ESPNL: variants seen among roughly 807,000 people sequenced by gnomAD.
ESPNL encodes the protein espin-like protein.
Under a neutral mutation model 46.8 loss-of-function variants are expected in ESPNL, and 49 were observed. The observed-to-expected ratio is 1.05, with a 90% CI of 0.83 to 1.33. The LOEUF (loss-of-function observed/expected upper bound fraction) is 1.33. ESPNL is among the 40% of genes most tolerant of loss of function. The pLI, the probability that ESPNL is intolerant of heterozygous loss-of-function variation, is 0.00. For missense variants in ESPNL, 1,540 were observed against 1,436.6 expected (o/e 1.07, Z -1.16); for synonymous variants, 664 against 662.1 (o/e 1.00, Z -0.04).
At position 238,130,531 on chromosome 2, in the gene ESPNL, T is replaced by A. The variant is rs1559269653; in HGVS notation, c.1817T>A (p.Leu606Gln). 2 of 1,594,176 alleles carry A rather than the reference T, an allele frequency of 1.3e-6. No homozygotes were observed. ...CGCCTGGTACGCAGCCTGTCCCTGC[T>A]GCTGAAGGGCGTGCATGGGCTAGTA... ...ISRLVRSLSL[L>Q]LKGVHGLVQG... The change falls in exon 9 of 9, where the codon CTG (leucine) becomes CAG (glutamine). Residue 606 changes from leucine to glutamine, a missense_variant. Coordinates refer to ENST00000343063, the MANE Select transcript of ESPNL (RefSeq NM_194312.4).
In ESPNL at chr2:238,125,342, G is replaced by T. The variant is rs1181680046; in HGVS notation, c.1060G>T (p.Glu354Ter). ...PPLLATRRSL[E>*]DGRRGGPGPG... ...ACTGTTGGCCACGAGGCGCTCCCTG[G>T]AGGATGGAAGAAGAGGAGGCCCAGG... Residue 354 changes from glutamate to a stop codon, truncating the protein, a stop_gained, in exon 6 of 9, where the codon GAG becomes TAG. Transcript: ENST00000343063. LOFTEE classifies it high-confidence loss of function. 77 of 1,574,264 alleles carry T rather than the reference G, an allele frequency of 4.9e-5. No homozygotes were observed. Among genetic ancestry groups the T allele is most frequent in the Non-Finnish European group, 6.5e-5 (76 of 1,160,324 alleles).
chr2:238,126,362 CTGTGTGTG>C (rs762480422), intron 6 of ESPNL, among the ~76,000 whole-genome samples: 3 of 95,648 alleles, frequency 3.1e-5, no homozygotes, highest in East Asian at 8.6e-4. Context: ...GTGATTGTGT[CTGTGTGTG>C]TCTTTGTGAT....
intron 7 of ESPNL, 87 bp downstream of exon 7, chr2:238,127,821 A>G (rs1692175832): frequency 1.9e-6 from 2 of 1,031,420 alleles, no homozygotes; most frequent in African/African-American, 1.6e-5. Context: ...AGAAGCCCCC[A>G]GCACAGCCAG....
intron 3 of ESPNL, among the ~76,000 whole-genome samples, chr2:238,105,150 C>G (rs1235907231): frequency 6.6e-6 from 1 of 152,148 alleles, no homozygotes; most frequent in African/African-American, 2.4e-5. Flanking sequence ...TTGGTGGTGG[C>G]CCGGGTGCTT....
At chr2:238,115,401 A>G (rs528276108) in intron 4 of ESPNL, among the ~76,000 whole-genome samples, 2 of 152,328 alleles carry the variant, frequency 1.3e-5, no homozygotes, top group East Asian at 3.9e-4. Flanking sequence ...CCATAGATCA[A>G]TGCAGGTGTC....
intron 4 of ESPNL, among the ~76,000 whole-genome samples, chr2:238,110,028 G>A (rs1189014591): frequency 6.7e-6 from 1 of 150,056 alleles, no homozygotes; most frequent in East Asian, 2.0e-4. Flanking sequence ...ACACGTTACC[G>A]AGTGTCCCTT....
chr2:238,118,993 T>C lies in ESPNL; in HGVS notation c.987+1959T>C, dbSNP rs1286820772. ...TGGAGGAGGGTTAATGGAGGAGGAG[T>C]GGATGGAAGAGGATTGATGGAGGAG... On this transcript the variant is annotated intron_variant, in intron 5 of 8. Coordinates refer to ENST00000343063, the MANE Select transcript of ESPNL (RefSeq NM_194312.4). Among the ~76,000 whole-genome samples the C allele has an allele frequency of 4.7e-5, 4 of 85,266 alleles. No individual in the cohort carries two copies. In the East Asian group the frequency reaches 1.4e-3, roughly 31 times the overall value. The allele number at this position is 85,266 out of a possible 152,430, so 55.9% of individuals were successfully genotyped here.
intron 6 of ESPNL, 81 bp from the exon 7 acceptor site, chr2:238,127,541 C>A: frequency 6.7e-7 from 1 of 1,488,328 alleles, no homozygotes; most frequent in South Asian, 1.4e-5. Flanking sequence ...CAGCTCTGCC[C>A]CCAGGGCCGG....
In ESPNL at chr2:238,130,476, C is replaced by T; in HGVS notation, c.1762C>T (p.Pro588Ser). The stretch of plus-strand genomic sequence containing the variant: ...CTCAGAGGTGGCCCCCGGGGTGCAG[C>T]CCCTGCCCTTCTGGTGCAGCCACAT... ...EASEVAPGVQ[P>S]LPFWCSHISR... The change falls in exon 9 of 9, where the codon CCC (proline) becomes TCC (serine). Residue 588 changes from proline to serine, a missense_variant. Coordinates refer to ENST00000343063, the MANE Select transcript of ESPNL (RefSeq NM_194312.4). The T allele has an allele frequency of 6.3e-7, 1 of 1,599,354 alleles. No homozygotes were observed. Among genetic ancestry groups the T allele is most frequent in the Non-Finnish European group, 8.5e-7 (1 of 1,173,286 alleles).
At position 238,127,566 on chromosome 2, in the gene ESPNL, G is replaced by A; in HGVS notation, c.1103-56G>A. On this transcript the variant is annotated intron_variant, in intron 6 of 8. Transcript: ENST00000343063. ...CCCAGGGCCGGATCCCCGAGGCTCT[G>A]GGTCTCTGCTCCCCAGCCCTTGCCC... 6 of 1,517,706 alleles carry A rather than the reference G, an allele frequency of 4.0e-6. No homozygotes were observed. In the South Asian group the frequency reaches 7.6e-5, roughly 19 times the overall value. 94.0% of individuals were successfully genotyped at this position (1,517,706 alleles called of 1,614,324 possible).
chr2:238,127,639 G>A lies in ESPNL; in HGVS notation c.1120G>A (p.Ala374Thr). 6.2e-7 allele frequency: 1 copy of A among 1,608,094 alleles called. No individual in the cohort carries two copies. Among genetic ancestry groups the A allele is most frequent in the Non-Finnish European group, 8.5e-7 (1 of 1,177,750 alleles). The change falls in exon 7 of 9, where the codon GCC (alanine) becomes ACC (threonine). Residue 374 changes from alanine (A) to threonine (T), a missense_variant. Physicochemically the swap from Ala to Thr is moderately conservative, Grantham distance 58. Transcript: ENST00000343063. ...GNPSPMSLSPAWPGHPDQPLP... is the reference protein window; with the variant it reads ...GNPSPMSLSPTWPGHPDQPLP... Reference sequence around the variant, plus strand: ...CTTGGCAGCCATGTCCCTCAGCCCGGCCTGGCCTGGCCATCCTGACCAGCC... The same window carrying A: ...CTTGGCAGCCATGTCCCTCAGCCCGACCTGGCCTGGCCATCCTGACCAGCC...
chr2:238,108,613 C>G (rs563082455), intron 4 of ESPNL, among the ~76,000 whole-genome samples: 1 of 152,312 alleles, frequency 6.6e-6, no homozygotes, highest in South Asian at 2.1e-4. Context: ...CTGTTCACCT[C>G]CATGAAGTCT....
In ESPNL at chr2:238,129,209, G is replaced by A. The variant is rs1692220856; in HGVS notation, c.1413+305G>A. The A allele has an allele frequency of 1.2e-5, 15 of 1,300,688 alleles. 1 individual carries two copies. In the South Asian group the frequency reaches 3.2e-4, roughly 27 times the overall value. The allele number at this position is 1,300,688 out of a possible 1,614,324, so 80.6% of individuals were successfully genotyped here. ...CCTTCCTGGGCGCAGCGTCTAGCAG[G>A]GAAGACGGTGGCCCATGGGCAGGTG... is the stretch of plus-strand genomic sequence containing the variant. On this transcript the variant is annotated intron_variant, in intron 8 of 8. Coordinates refer to ENST00000343063, the MANE Select transcript of ESPNL (RefSeq NM_194312.4).
chr2:238,108,600 G>A (rs1489164267), intron 4 of ESPNL, among the ~76,000 whole-genome samples: 1 of 152,136 alleles, frequency 6.6e-6, no homozygotes, highest in Non-Finnish European at 1.5e-5. Context: ...AGCAGTGTCG[G>A]GTCTGTTCAC....
At chr2:238,119,837 T>G (rs940115019) in intron 5 of ESPNL, among the ~76,000 whole-genome samples, 1 of 151,928 alleles carries the variant, frequency 6.6e-6, no homozygotes, top group Non-Finnish European at 1.5e-5. Flanking sequence ...ATGTGTCCCC[T>G]CAGAGCATCT....
At chr2:238,115,423 G>C (rs1691795153) in intron 4 of ESPNL, among the ~76,000 whole-genome samples, 1 of 152,240 alleles carries the variant, frequency 6.6e-6, no homozygotes, top group African/African-American at 2.4e-5. Flanking sequence ...TTACTTTACA[G>C]ACAGGCCCAG....
Position 238,128,775 on chromosome 2 carries a change from C to T in ESPNL, c.1284C>T (p.Pro428=). ...GLAALQLDGL[P]SGDIDGLVPT... ...CCGCACTACAGCTGGATGGGCTGCC[C>T]TCAGGCGACATCGACGGGCTGGTGC... Residue 428 remains proline (P), a synonymous_variant, in exon 8 of 9, where the codon CCC becomes CCT. Coordinates refer to ENST00000343063, the MANE Select transcript of ESPNL (RefSeq NM_194312.4). The T allele has an allele frequency of 1.3e-6, 2 of 1,588,096 alleles. No homozygotes were observed. Among genetic ancestry groups the T allele is most frequent in the Non-Finnish European group, 1.7e-6 (2 of 1,168,238 alleles).
rs1307757245 is a variant in ESPNL at position 238,107,931 on chromosome 2, T to C, written c.813T>C (p.Gly271=). 6.2e-7 allele frequency: 1 copy of C among 1,612,544 alleles called. No homozygotes were observed. The change falls in exon 4 of 9, where the codon GGT becomes GGC. Residue 271 remains glycine, a synonymous_variant. Transcript: ENST00000343063. ...CCCCCATCCTGAGAGACTCCTGGGG[T>C]GGGACCCCCCTCCACGACGCAGCAG... is the stretch of plus-strand genomic sequence containing the variant. ...MGTPILRDSW[G]GTPLHDAAEN...
Position 238,130,923 on chromosome 2 carries a change from C to T in ESPNL, c.2209C>T (p.Arg737Cys), listed in dbSNP as rs890537506. Reference protein sequence around the residue: ...AAAGPDLASLRKERIIMLFLS... With the variant: ...AAAGPDLASLCKERIIMLFLS... ...AGCCGGCCCAGACCTGGCCAGCCTG[C>T]GCAAGGAGCGCATCATCATGCTCTT... The change falls in exon 9 of 9, where the codon CGC (arginine) becomes TGC (cysteine). Residue 737 changes from arginine to cysteine, a missense_variant. Transcript: ENST00000343063. 30 of 1,548,434 alleles carry T rather than the reference C, an allele frequency of 1.9e-5. 1 individual carries two copies. Among genetic ancestry groups the T allele is most frequent in the South Asian group, 3.6e-5 (3 of 84,220 alleles).
Sources: allele counts gnomAD v4.1 joint callset (sites outside exome capture counted in the v4.1 genomes callset), GRCh38; gene constraint gnomAD v4.1.1; transcripts MANE v1.5; gene names NCBI Gene and HGNC (gene_info 2026-07-23, HGNC 2026-07-21).